MAGI2: variants seen among roughly 807,000 people sequenced by gnomAD.
MAGI2 encodes membrane-associated guanylate kinase, WW and PDZ domain-containing protein 2.
MAGI2 carries 35 observed loss-of-function variants against 133.3 expected under a neutral mutation model. That is an observed-to-expected ratio of 0.26 (90% CI 0.20 to 0.35). The LOEUF (loss-of-function observed/expected upper bound fraction) is 0.35, where lower values mean the gene tolerates loss of function less well. MAGI2 is among the 10% of genes least tolerant of loss of function. The pLI is 1.00. For synonymous variants in MAGI2, 729 were observed against 710.6 expected (o/e 1.03, Z -0.41); for missense variants, 1,636 against 1,863.4 (o/e 0.88, Z 2.25).
chr7:78,939,312 A>G (rs1800788320), intron 2 of MAGI2, among the ~76,000 whole-genome samples: 1 of 152,146 alleles, frequency 6.6e-6, no homozygotes, highest in African/African-American at 2.4e-5. Flanking sequence ...GATTTTAGAT[A>G]TAGACATCAG....
intron 1 of MAGI2, among the ~76,000 whole-genome samples, chr7:79,422,605 A>G (rs975817508): frequency 7.2e-5 from 11 of 152,064 alleles, no homozygotes; most frequent in Non-Finnish European, 1.6e-4. Flanking sequence ...GGCTTCATGC[A>G]ATTTCAAACA....
At chr7:78,308,804 C>A (rs567492324) in intron 9 of MAGI2, among the ~76,000 whole-genome samples, 1 of 152,302 alleles carries the variant, frequency 6.6e-6, no homozygotes, top group South Asian at 2.1e-4. Context: ...ATATTATGTG[C>A]TGTTATTTTA....
intron 1 of MAGI2, among the ~76,000 whole-genome samples, chr7:79,251,730 C>T (rs1410500039): frequency 6.6e-6 from 1 of 152,114 alleles, no homozygotes; most frequent in Non-Finnish European, 1.5e-5. Context: ...AATACCACTG[C>T]TAGGTATACA....
intron 9 of MAGI2, among the ~76,000 whole-genome samples, chr7:78,293,758 A>T: frequency 6.6e-6 from 1 of 152,218 alleles, no homozygotes; most frequent in Non-Finnish European, 1.5e-5. Context: ...TGCAGCCATA[A>T]AAAAGGATGA....
At chr7:79,313,074 T>C (rs1264085435) in intron 1 of MAGI2, among the ~76,000 whole-genome samples, 3 of 152,176 alleles carry the variant, frequency 2.0e-5, no homozygotes, top group African/African-American at 7.2e-5. Flanking sequence ...AATTATAGAC[T>C]TCCTCCTTTT....
chr7:78,177,431 C>G (rs559021291), intron 14 of MAGI2, among the ~76,000 whole-genome samples: 2 of 101,418 alleles, frequency 2.0e-5, no homozygotes, highest in African/African-American at 7.1e-5. Flanking sequence ...CACACACACA[C>G]ACACACACAC....
chr7:78,061,467 A>G (rs1355352411), intron 21 of MAGI2, among the ~76,000 whole-genome samples: 1 of 151,254 alleles, frequency 6.6e-6, no homozygotes. Flanking sequence ...CGAGTGGGGA[A>G]GCCAGCCAAG....
chr7:79,235,908 A>G (rs964208151), intron 1 of MAGI2, among the ~76,000 whole-genome samples: 2 of 152,236 alleles, frequency 1.3e-5, no homozygotes, highest in African/African-American at 4.8e-5. Context: ...AGTACCAGAC[A>G]CACAGTTGGT....
chr7:78,075,347 T>C (rs1815163588), intron 21 of MAGI2, among the ~76,000 whole-genome samples: 1 of 152,060 alleles, frequency 6.6e-6, no homozygotes, highest in Non-Finnish European at 1.5e-5. Flanking sequence ...GAGCCCAATG[T>C]GTATTTTCAC....
intron 1 of MAGI2, among the ~76,000 whole-genome samples, chr7:79,437,897 A>G (rs1306150727): frequency 1.3e-5 from 2 of 152,156 alleles, no homozygotes; most frequent in Non-Finnish European, 2.9e-5. Context: ...TATGCTACCC[A>G]TTAAGAAAAA....
chr7:78,426,231 G>A (rs1019834676), intron 6 of MAGI2, among the ~76,000 whole-genome samples: 1 of 152,024 alleles, frequency 6.6e-6, no homozygotes, highest in Non-Finnish European at 1.5e-5. Context: ...GAATAAAAAG[G>A]GCCAATGAAT....
intron 8 of MAGI2, among the ~76,000 whole-genome samples, chr7:78,344,856 TAGTA>T (rs1039653006): frequency 1.9e-4 from 29 of 152,332 alleles, no homozygotes; most frequent in East Asian, 7.7e-4. Flanking sequence ...TTCCTAAGTA[TAGTA>T]AGTGTTTTAA....
At chr7:78,923,745 C>A (rs1303641145) in intron 2 of MAGI2, among the ~76,000 whole-genome samples, 1 of 152,068 alleles carries the variant, frequency 6.6e-6, no homozygotes, top group Non-Finnish European at 1.5e-5. Context: ...TAATTGGTAG[C>A]TTGATGGGGA....
intron 10 of MAGI2, among the ~76,000 whole-genome samples, chr7:78,238,181 CTCT>C (rs1790752506): frequency 1.3e-5 from 2 of 152,192 alleles, no homozygotes; most frequent in African/African-American, 2.4e-5. Flanking sequence ...CAGAATGTTT[CTCT>C]TCTTTATTTG....
At position 78,954,546 on chromosome 7, in the gene MAGI2, C is replaced by T. The variant is rs1313577127; in HGVS notation, c.418+52544G>A. Among the ~76,000 whole-genome samples the T allele has an allele frequency of 2.6e-5, 4 of 152,230 alleles. No individual in the cohort carries two copies. The East Asian group carries it at 5.8e-4, about 22-fold the overall frequency. ...GATAAAATATGTCCAGCCAGTTGTT[C>T]CTGGTCTGGCAATAGTGTGGATCGA... On this transcript the variant is annotated intron_variant, in intron 2 of 21. Coordinates refer to ENST00000354212, the MANE Select transcript of MAGI2 (RefSeq NM_012301.4).
At chr7:79,197,681 C>T (rs1230596354) in intron 1 of MAGI2, among the ~76,000 whole-genome samples, 1 of 151,892 alleles carries the variant, frequency 6.6e-6, no homozygotes, top group African/African-American at 2.4e-5. Context: ...TTATAAGCAA[C>T]AGAAATTTAT....
intron 1 of MAGI2, among the ~76,000 whole-genome samples, chr7:79,088,491 A>G (rs1003468601): frequency 6.6e-6 from 1 of 151,984 alleles, no homozygotes; most frequent in Non-Finnish European, 1.5e-5. Flanking sequence ...TTCCTATTTG[A>G]ATACTTTATT....
intron 9 of MAGI2, among the ~76,000 whole-genome samples, chr7:78,274,614 T>C (rs1355851001): frequency 1.1e-5 from 1 of 89,178 alleles, no homozygotes; most frequent in Admixed American, 1.2e-4. Context: ...GGGTGCTGCC[T>C]TTTTTTTTTA....
chr7:78,535,590 T>A (rs1405062113), intron 3 of MAGI2, among the ~76,000 whole-genome samples: 1 of 12,700 alleles, frequency 7.9e-5, no homozygotes, highest in Admixed American at 7.5e-4. Context: ...TCCAAACTGT[T>A]TTTTTTTTTC....
Sources: gnomAD v4.1 joint callset for allele counts (sites outside exome capture counted in the v4.1 genomes callset) on GRCh38, gnomAD v4.1.1 for gene constraint, MANE v1.5 for transcripts, NCBI Gene and HGNC (gene_info 2026-07-23, HGNC 2026-07-21) for gene names.